Variants in WDR33 observed in about 807,000 individuals in gnomAD.
The protein encoded by WDR33 is WD repeat domain 33, also known as pre-mRNA 3' end processing protein WDR33.
WDR33 carries 47 observed loss-of-function variants against 164.9 expected under a neutral mutation model. That is an observed-to-expected ratio of 0.29 (90% CI 0.23 to 0.36). The LOEUF (loss-of-function observed/expected upper bound fraction) is 0.36. Among genes scored for constraint, WDR33 ranks in the 10% least tolerant of loss-of-function variants. The pLI is 1.00. For missense variants in WDR33, 1,137 were observed against 1,754.1 expected (o/e 0.65, Z 6.28); for synonymous variants, 505 against 589.0 (o/e 0.86, Z 2.06).
rs1485211846 is a variant in WDR33, at chr2:127,726,040, G to A, written c.851+611C>T. Reference sequence around the variant, plus strand: ...CATTCCAGGTTGGCATGGTCATTGGGGTTGTACAACAAAGCAGCCTTGCTC... The same window carrying A: ...CATTCCAGGTTGGCATGGTCATTGGAGTTGTACAACAAAGCAGCCTTGCTC... On this transcript the variant is annotated intron_variant, in intron 8 of 21. Transcript: ENST00000322313. This position sits in a 1 kb window ranked among gnomAD's most constrained non-coding sequence, Gnocchi z 4.8. Among the ~76,000 whole-genome samples the A allele has an allele frequency of 6.6e-6, 1 of 152,078 alleles. No homozygotes were observed. Among genetic ancestry groups the A allele is most frequent in the Non-Finnish European group, 1.5e-5 (1 of 68,034 alleles).
At chr2:127,806,248 C>T (rs1473206881) in intron 1 of WDR33, among the ~76,000 whole-genome samples, 2 of 141,340 alleles carry the variant, frequency 1.4e-5, no homozygotes, top group Non-Finnish European at 3.0e-5. Context: ...CGCTCTGTTG[C>T]CCTGGCTGCA....
intron 1 of WDR33, among the ~76,000 whole-genome samples, chr2:127,805,067 T>C (rs1442673200): frequency 7.0e-6 from 1 of 143,176 alleles, no homozygotes; most frequent in Non-Finnish European, 1.5e-5. Context: ...TGAAGTTTTT[T>C]CTTTTTTTTT....
chr2:127,787,462 A>T (rs1209900336), intron 1 of WDR33, among the ~76,000 whole-genome samples: 1 of 136,800 alleles, frequency 7.3e-6, no homozygotes, highest in African/African-American at 3.1e-5. Flanking sequence ...CACCTCCCGG[A>T]CGGGGCAGCT....
intron 7 of WDR33, among the ~76,000 whole-genome samples, chr2:127,754,266 G>A (rs1345913166): frequency 6.6e-6 from 1 of 152,116 alleles, no homozygotes; most frequent in African/African-American, 2.4e-5. Context: ...GGTCTGCCCT[G>A]AAACATAAAA....
Position 127,770,630 on chromosome 2 carries a change from G to A in WDR33, c.204+148C>T, listed in dbSNP as rs1687970415. ...CACTTGAACCCGGGAGGCAGAGGTT[G>A]CAGTGAGCCAAAACCACACCACTGC... On this transcript the variant is annotated intron_variant, in intron 2 of 21. Coordinates refer to ENST00000322313, the MANE Select transcript of WDR33 (RefSeq NM_018383.5). This position sits in a 1 kb window ranked among gnomAD's most constrained non-coding sequence, Gnocchi z 4.9. 2.4e-6 allele frequency: 1 copy of A among 422,246 alleles called. No individual in the cohort carries two copies. Among genetic ancestry groups the A allele is most frequent in the East Asian group, 5.8e-5 (1 of 17,340 alleles). The allele number at this position is 422,246 out of a possible 1,614,324, so 26.2% of individuals were successfully genotyped here.
intron 1 of WDR33, among the ~76,000 whole-genome samples, chr2:127,798,633 A>T (rs1337738705): frequency 1.3e-5 from 2 of 152,062 alleles, no homozygotes; most frequent in African/African-American, 2.4e-5. Flanking sequence ...GGAATTTATG[A>T]TGTCTTTTAA....
chr2:127,702,289 G>T lies in WDR33; in HGVS notation c.*4034C>A, dbSNP rs988304546. 1 of 1,041,098 alleles carries T rather than the reference G, an allele frequency of 9.6e-7. No individual in the cohort carries two copies. Among genetic ancestry groups the T allele is most frequent in the Non-Finnish European group, 1.2e-6 (1 of 827,270 alleles). The allele number at this position is 1,041,098 out of a possible 1,614,324, so 64.5% of individuals were successfully genotyped here. ...TGCGGAAGCCCGTGGCGAAGGCCCTGCCCTAACAGCCTGCGAGTCTAATCC... is the reference window on the plus strand; with the variant it reads ...TGCGGAAGCCCGTGGCGAAGGCCCTTCCCTAACAGCCTGCGAGTCTAATCC... On this transcript the variant is annotated 3_prime_UTR_variant, in exon 22 of 22. Transcript: ENST00000322313.
chr2:127,706,561 AAG>A lies in WDR33; in HGVS notation c.3782-11_3782-10del, dbSNP rs1686019491. The A allele has an allele frequency of 1.9e-6, 3 of 1,584,846 alleles. No individual in the cohort carries two copies. The East Asian group carries it at 6.8e-5, about 36-fold the overall frequency. On this transcript the variant is annotated splice_polypyrimidine_tract_variant and intron_variant, in intron 21 of 21. Transcript: ENST00000322313. This position sits in a 1 kb window ranked among gnomAD's most constrained non-coding sequence, Gnocchi z 5.1. ...TCCTGGGCCCCCTCGGCCTGAAACA[AAG>A]AAAATTTCACATGGGACTTTTTGTA...
At position 127,720,189 on chromosome 2, in the gene WDR33, C is replaced by T; in HGVS notation, c.1836G>A (p.Met612Ile). ...CTGGAGGCCCCATTTGAGCCATGTT[C>T]ATTGGCATCTGCTGAGATGGATGGG... ...QQPHPSQQMP[M>I]NMAQMGPPGP... Residue 612 changes from methionine to isoleucine, a missense_variant, in exon 16 of 22, where the codon ATG becomes ATA. Met to Ile is a conservative substitution (Grantham distance 10). Around this residue, in one of 9 missense-constraint regions of WDR33, gnomAD observed 867 missense variants for 1,073.0 expected, o/e 0.81. Coordinates refer to ENST00000322313, the MANE Select transcript of WDR33 (RefSeq NM_018383.5). The surrounding 1 kb of genome is among the most constrained non-coding windows in gnomAD (Gnocchi z 5.9). The T allele has an allele frequency of 6.2e-7, 1 of 1,612,636 alleles. No homozygotes were observed. Among genetic ancestry groups the T allele is most frequent in the Non-Finnish European group, 8.5e-7 (1 of 1,179,470 alleles).
intron 7 of WDR33, among the ~76,000 whole-genome samples, chr2:127,752,125 A>T (rs1376412029): frequency 6.6e-6 from 1 of 152,232 alleles, no homozygotes; most frequent in East Asian, 1.9e-4. Flanking sequence ...CTGCTGACAC[A>T]TTACTCATCC....
intron 21 of WDR33, among the ~76,000 whole-genome samples, chr2:127,707,240 A>G (rs927564993): frequency 7.9e-5 from 12 of 151,648 alleles, no homozygotes; most frequent in Non-Finnish European, 1.0e-4. Context: ...AAAAAAAAAA[A>G]AAAAAGAAAA....
chr2:127,759,512 GA>G (rs1157281563), intron 7 of WDR33, among the ~76,000 whole-genome samples: 3 of 152,124 alleles, frequency 2.0e-5, no homozygotes, highest in African/African-American at 7.2e-5. Context: ...TCAACATGGT[GA>G]AACTCTGTCT....
At chr2:127,781,547 T>A (rs1688369596) in intron 1 of WDR33, among the ~76,000 whole-genome samples, 1 of 152,244 alleles carries the variant, frequency 6.6e-6, no homozygotes, top group African/African-American at 2.4e-5. Context: ...TTTTACAATT[T>A]GTTATCATTG....
At chr2:127,729,665 G>A (rs901111147) in intron 7 of WDR33, among the ~76,000 whole-genome samples, 1 of 151,890 alleles carries the variant, frequency 6.6e-6, no homozygotes, top group Non-Finnish European at 1.5e-5. Flanking sequence ...CCGGCTAATT[G>A]TTTGTATTTT....
intron 7 of WDR33, among the ~76,000 whole-genome samples, chr2:127,745,082 C>A (rs772243251): frequency 6.6e-6 from 1 of 152,090 alleles, no homozygotes. Context: ...GATCACAGGA[C>A]CAGATATAGA....
At position 127,768,978 on chromosome 2, in the gene WDR33, C is replaced by G; in HGVS notation, c.228G>C (p.Gln76His). 6.3e-7 allele frequency: 1 copy of G among 1,581,972 alleles called. No individual in the cohort carries two copies. Among genetic ancestry groups the G allele is most frequent in the Admixed American group, 1.8e-5 (1 of 56,460 alleles). Residue 76 changes from glutamine to histidine, a missense_variant, in exon 3 of 22, where the codon CAG (glutamine) becomes CAC (histidine). Physicochemically the swap from Gln to His is conservative, Grantham distance 24 (BLOSUM62 0). Coordinates refer to ENST00000322313, the MANE Select transcript of WDR33 (RefSeq NM_018383.5). ...CAGGCTGAATTGCCCGCATATCTCT[C>G]TGGTCTCTTTGCCATATTCTGTTCT... is the stretch of plus-strand genomic sequence containing the variant. ...YLENRIWQRDQRDMRAIQPDA... is the reference protein window; with the variant it reads ...YLENRIWQRDHRDMRAIQPDA...
intron 1 of WDR33, among the ~76,000 whole-genome samples, chr2:127,793,908 G>A (rs137969971): frequency 2.6e-5 from 4 of 152,310 alleles, no homozygotes; most frequent in African/African-American, 9.6e-5. Flanking sequence ...GCCAAGGCAG[G>A]AGGAAAGATT....
chr2:127,738,098 G>A lies in WDR33; in HGVS notation c.725-11321C>T. On this transcript the variant is annotated intron_variant, in intron 7 of 21. Coordinates refer to ENST00000322313, the MANE Select transcript of WDR33 (RefSeq NM_018383.5). The surrounding 1 kb of genome is among the most constrained non-coding windows in gnomAD (Gnocchi z 4.4). ...TGCATGAACTCTTAAATACTGTGCA[G>A]GCAGGTATCTATCACATGAGCCCTG... 1 of 1,564,186 alleles carries A rather than the reference G, an allele frequency of 6.4e-7. No homozygotes were observed.
chr2:127,745,884 G>A (rs775896454), intron 7 of WDR33, among the ~76,000 whole-genome samples: 6 of 151,990 alleles, frequency 3.9e-5, no homozygotes, highest in Non-Finnish European at 7.4e-5. Context: ...CTGTGGCTGG[G>A]CATGGTGGCA....
Sources: allele counts gnomAD v4.1 joint callset (sites outside exome capture counted in the v4.1 genomes callset), GRCh38; gene constraint gnomAD v4.1.1; regional missense constraint gnomAD v4.1.1; non-coding constraint Gnocchi (gnomAD v3.1); transcripts MANE v1.5; gene names NCBI Gene and HGNC (gene_info 2026-07-23, HGNC 2026-07-21).